Variants in RARB observed in about 807,000 individuals in gnomAD.
RARB encodes the protein retinoic acid receptor beta.
RARB carries 17 observed loss-of-function variants against 51.9 expected under a neutral mutation model. The observed-to-expected ratio is 0.33, with a 90% CI of 0.22 to 0.49. The LOEUF is 0.49. Ranked by LOEUF, RARB falls within the 20% of genes least tolerant of loss-of-function variation. The probability of loss-of-function intolerance (pLI) is 0.99; values close to 1 mark genes in which losing one functional copy is unlikely to be tolerated. For synonymous variants in RARB, 215 were observed against 195.4 expected (o/e 1.10, Z -0.84); for missense variants, 369 against 550.8 (o/e 0.67, Z 3.30).
chr3:24,931,331 G>C (rs961531165), intron 2 of RARB, among the ~76,000 whole-genome samples: 3 of 152,094 alleles, frequency 2.0e-5, no homozygotes, highest in Non-Finnish European at 4.4e-5. Flanking sequence ...AAAGCTTACA[G>C]TTCTTGGTAT....
intron 3 of RARB, among the ~76,000 whole-genome samples, chr3:25,119,050 C>G (rs1487934230): frequency 2.0e-5 from 3 of 151,992 alleles, no homozygotes; most frequent in African/African-American, 7.2e-5. Context: ...AAATTTTTAC[C>G]AATATCCCAG....
chr3:25,085,773 C>T (rs1699093710), intron 3 of RARB, among the ~76,000 whole-genome samples: 2 of 152,146 alleles, frequency 1.3e-5, no homozygotes, highest in Admixed American at 1.3e-4. Flanking sequence ...AATCCAGTTC[C>T]ATGATCTTTA....
intron 3 of RARB, among the ~76,000 whole-genome samples, chr3:25,517,668 A>G (rs1222933835): frequency 6.6e-6 from 1 of 152,128 alleles, no homozygotes; most frequent in Non-Finnish European, 1.5e-5. Flanking sequence ...AAATAAAAAC[A>G]TGTATCTACA....
intron 2 of RARB, among the ~76,000 whole-genome samples, chr3:24,977,739 C>T (rs185098256): frequency 3.9e-5 from 6 of 152,146 alleles, no homozygotes; most frequent in Non-Finnish European, 7.4e-5. Context: ...ATCGAATACT[C>T]TTTATTTCTT....
chr3:24,900,373 C>G (rs1303221785), intron 2 of RARB, among the ~76,000 whole-genome samples: 2 of 152,216 alleles, frequency 1.3e-5, no homozygotes, highest in Non-Finnish European at 1.5e-5. Flanking sequence ...ATATTCATCT[C>G]TTTGAAATAT....
chr3:25,261,685 G>T (rs566532520), intron 5 of RARB, among the ~76,000 whole-genome samples: 1 of 152,046 alleles, frequency 6.6e-6, no homozygotes, highest in Non-Finnish European at 1.5e-5. Flanking sequence ...GTTATCTTTC[G>T]CCTAAATGAA....
intron 5 of RARB, among the ~76,000 whole-genome samples, chr3:25,334,570 C>G (rs1705006091): frequency 1.3e-5 from 2 of 152,022 alleles, no homozygotes; most frequent in African/African-American, 4.8e-5. Context: ...AGGAGATATA[C>G]CTAATGTAAA....
chr3:25,084,699 C>G (rs1355557388), intron 3 of RARB, among the ~76,000 whole-genome samples: 3 of 151,304 alleles, frequency 2.0e-5, no homozygotes, highest in Admixed American at 6.6e-5. Flanking sequence ...TTATCTCTTA[C>G]TGCTATTGCA....
chr3:24,951,397 ACAAGTTAGGCTTTGT>A (rs1399112081), intron 2 of RARB, among the ~76,000 whole-genome samples: 2 of 152,324 alleles, frequency 1.3e-5, no homozygotes, highest in African/African-American at 4.8e-5. Context: ...TGCAGTGCTG[ACAAGTTAGGCTTTGT>A]CTTAGGGCAT....
intron 2 of RARB, among the ~76,000 whole-genome samples, chr3:24,869,892 T>C (rs1300315012): frequency 6.6e-6 from 1 of 152,130 alleles, no homozygotes; most frequent in East Asian, 1.9e-4. Flanking sequence ...TTCCAGTTGT[T>C]TTATACGTTC....
intron 4 of RARB, among the ~76,000 whole-genome samples, chr3:25,572,415 G>A (rs185707370): frequency 6.6e-6 from 1 of 152,196 alleles, no homozygotes; most frequent in East Asian, 1.9e-4. Flanking sequence ...TGTGATTTGG[G>A]TTTCGTTGCC....
At chr3:25,389,154 G>T (rs1559381624) in intron 5 of RARB, among the ~76,000 whole-genome samples, 2 of 152,122 alleles carry the variant, frequency 1.3e-5, no homozygotes, top group African/African-American at 2.4e-5. Context: ...TGGGGAGGTG[G>T]CAGAAACAAT....
chr3:25,397,295 T>C (rs917561087), intron 5 of RARB, among the ~76,000 whole-genome samples: 11 of 152,272 alleles, frequency 7.2e-5, no homozygotes, highest in South Asian at 6.2e-4. Context: ...TAAATCCTTC[T>C]CCCATGATCT....
chr3:25,071,631 G>T (rs1009787559), intron 3 of RARB, among the ~76,000 whole-genome samples: 5 of 152,188 alleles, frequency 3.3e-5, no homozygotes, highest in Non-Finnish European at 5.9e-5. Flanking sequence ...TAATCAGTTG[G>T]CTGAGAGGAA....
At chr3:25,314,953 AT>A (rs1315032163) in intron 5 of RARB, among the ~76,000 whole-genome samples, 1 of 152,172 alleles carries the variant, frequency 6.6e-6, no homozygotes, top group Non-Finnish European at 1.5e-5. Context: ...GCTGGAGGCC[AT>A]TGTCCTAAGC....
intron 2 of RARB, among the ~76,000 whole-genome samples, chr3:24,970,692 T>C (rs1486150539): frequency 2.0e-5 from 3 of 151,834 alleles, no homozygotes; most frequent in African/African-American, 2.4e-5. Context: ...GTCCTTTTAA[T>C]TGGAAAAAAA....
In RARB at chr3:24,852,592, C is replaced by A. The variant is rs938696139; in HGVS notation, c.-458-6082C>A. ...GGTAGCATTATTCATAATAGCCCAA[C>A]AAAAAAAAATAAATGTCCACCGAAT... On this transcript the variant is annotated intron_variant, in intron 1 of 11. Transcript: ENST00000383772. Among the ~76,000 whole-genome samples, 4 of 150,198 alleles carry A rather than the reference C, an allele frequency of 2.7e-5. No homozygotes were observed. In the East Asian group the frequency reaches 5.8e-4, roughly 22 times the overall value.
At chr3:25,572,540 C>A (rs1285898952) in intron 4 of RARB, among the ~76,000 whole-genome samples, 1 of 152,092 alleles carries the variant, frequency 6.6e-6, no homozygotes, top group Non-Finnish European at 1.5e-5. Flanking sequence ...GACTCCAGGG[C>A]AGCTCTTTTA....
chr3:25,550,799 C>G (rs1001234671), intron 3 of RARB, among the ~76,000 whole-genome samples: 11 of 152,118 alleles, frequency 7.2e-5, no homozygotes, highest in African/African-American at 2.7e-4. Flanking sequence ...TCCATGTGTT[C>G]TCATTGTTCA....
Sources: allele counts gnomAD v4.1 joint callset (sites outside exome capture counted in the v4.1 genomes callset), GRCh38; gene constraint gnomAD v4.1.1; transcripts MANE v1.5; gene names NCBI Gene and HGNC (gene_info 2026-07-23, HGNC 2026-07-21).